Variants in COLEC12 observed in about 807,000 individuals in gnomAD.
COLEC12 encodes the protein collectin-12.
In COLEC12, 33 loss-of-function variants were observed where a neutral mutation model predicts 71.1. The ratio of observed to expected loss-of-function variants is 0.46; its 90% confidence interval spans 0.35 to 0.62. The LOEUF (loss-of-function observed/expected upper bound fraction) is 0.62, where lower values mean the gene tolerates loss of function less well. Ranked by LOEUF, COLEC12 falls within the 20% of genes least tolerant of loss-of-function variation. The pLI is 0.00. For synonymous variants in COLEC12, 350 were observed against 353.0 expected (o/e 0.99, Z 0.10); for missense variants, 765 against 916.1 (o/e 0.84, Z 2.13).
At chr18:397,938 A>T (rs1043722939) in intron 2 of COLEC12, among the ~76,000 whole-genome samples, 1 of 152,206 alleles carries the variant, frequency 6.6e-6, no homozygotes, top group Non-Finnish European at 1.5e-5. Flanking sequence ...TATCTACACC[A>T]TTTCTAGTTT....
chr18:402,038 A>T (rs1313911748), intron 2 of COLEC12, among the ~76,000 whole-genome samples: 1 of 152,138 alleles, frequency 6.6e-6, no homozygotes, highest in African/African-American at 2.4e-5. Context: ...ATTCTATTCT[A>T]CTTAGCATTG....
intron 3 of COLEC12, among the ~76,000 whole-genome samples, chr18:351,016 T>G (rs2143485962): frequency 6.6e-6 from 1 of 152,068 alleles, no homozygotes; most frequent in Admixed American, 6.5e-5. Flanking sequence ...ATATCAATTA[T>G]GAGCCAACGG....
chr18:438,675 G>A (rs1226700752), intron 2 of COLEC12, among the ~76,000 whole-genome samples: 1 of 151,974 alleles, frequency 6.6e-6, no homozygotes, highest in Non-Finnish European at 1.5e-5. Flanking sequence ...GCCAGGCATG[G>A]TGGCACATGC....
intron 6 of COLEC12, chr18:333,361 T>A (rs1914028668): frequency 4.4e-6 from 2 of 451,980 alleles, no homozygotes; most frequent in South Asian, 4.2e-5. Flanking sequence ...CTGGAAAAGA[T>A]CTTTGACTGG....
intron 2 of COLEC12, among the ~76,000 whole-genome samples, chr18:358,038 C>A (rs1353325372): frequency 6.6e-6 from 1 of 152,338 alleles, no homozygotes; most frequent in East Asian, 1.9e-4. Context: ...TGCGAGGGAT[C>A]TAGGTTGCAT....
At chr18:430,289 A>T (rs1209653689) in intron 2 of COLEC12, among the ~76,000 whole-genome samples, 2 of 151,930 alleles carry the variant, frequency 1.3e-5, no homozygotes, top group African/African-American at 4.8e-5. Context: ...AGCTGAGATC[A>T]TGCCACTGTA....
chr18:411,809 C>T (rs1040855186), intron 2 of COLEC12, among the ~76,000 whole-genome samples: 13 of 152,160 alleles, frequency 8.5e-5, no homozygotes, highest in Middle Eastern at 6.8e-3. Flanking sequence ...AAAGTGAAAT[C>T]CTGTCTCAAA....
At chr18:499,155 T>C (rs1917769889) in intron 1 of COLEC12, among the ~76,000 whole-genome samples, 1 of 152,162 alleles carries the variant, frequency 6.6e-6, no homozygotes, top group Admixed American at 6.5e-5. Context: ...ATGTGTGTAT[T>C]TCCTAGAATG....
chr18:321,866 T>C (rs1479169801), intron 8 of COLEC12, 59 bp from the exon 9 acceptor site: 2 of 1,519,460 alleles, frequency 1.3e-6, no homozygotes, highest in East Asian at 2.3e-5. Flanking sequence ...TTTTCTTTAC[T>C]CAAGAGCAGC....
At chr18:432,731 T>TTATA (rs5822565) in intron 2 of COLEC12, among the ~76,000 whole-genome samples, 137,684 of 151,888 alleles carry the variant, frequency 0.91, 62,873 homozygotes, top group East Asian at 1. Flanking sequence ...ACATCTGATA[T>TTATA]ACTGTCTATC....
intron 2 of COLEC12, among the ~76,000 whole-genome samples, chr18:428,080 C>G (rs971797878): frequency 6.6e-6 from 1 of 151,742 alleles, no homozygotes; most frequent in African/African-American, 2.4e-5. Flanking sequence ...GCCTGGCCAA[C>G]ATGGTGAAAC....
intron 2 of COLEC12, among the ~76,000 whole-genome samples, chr18:393,231 T>C (rs1915499888): frequency 6.6e-6 from 1 of 152,208 alleles, no homozygotes; most frequent in Non-Finnish European, 1.5e-5. Context: ...TGCGGGGATA[T>C]TGTTGAAGAT....
chr18:442,000 TCTACACACACAC>T lies in COLEC12; in HGVS notation c.58+38695_58+38706del, dbSNP rs1362995508. 2.5e-3 allele frequency among the ~76,000 whole-genome samples: 291 copies of T among 116,776 alleles called. 1 individual carries two copies. Among genetic ancestry groups the T allele is most frequent in the African/African-American group, 6.6e-3 (206 of 30,986 alleles). The allele number at this position is 116,776 out of a possible 152,430, so 76.6% of individuals were successfully genotyped here. A position where few individuals can be genotyped will look rare whatever the true frequency, so the allele number is the denominator to read the frequency against. On this transcript the variant is annotated intron_variant, in intron 2 of 9. Coordinates refer to ENST00000400256, the MANE Select transcript of COLEC12 (RefSeq NM_130386.3). Reference sequence around the variant, plus strand: ...GGGTGACAGAGTGAGACTCTCTCTCTCTACACACACACACACACACACACACACACACACACA... The same window carrying T: ...GGGTGACAGAGTGAGACTCTCTCTCTACACACACACACACACACACACACA...
chr18:443,266 C>A (rs1239660801), intron 2 of COLEC12, among the ~76,000 whole-genome samples: 1 of 152,166 alleles, frequency 6.6e-6, no homozygotes, highest in Non-Finnish European at 1.5e-5. Flanking sequence ...ATTTAGCTGA[C>A]TTTTGGTATT....
At position 399,915 on chromosome 18, in the gene COLEC12, C is replaced by T. The variant is rs1191162451; in HGVS notation, c.59-42393G>A. Reference sequence around the variant, plus strand: ...AACAGCCCCCAGTTTTTGGCTTGATCCTCAGACAACGCTTGTTAAAGGGTG... The same window carrying T: ...AACAGCCCCCAGTTTTTGGCTTGATTCTCAGACAACGCTTGTTAAAGGGTG... On this transcript the variant is annotated intron_variant, in intron 2 of 9. Transcript: ENST00000400256. This position sits in a 1 kb window ranked among gnomAD's most constrained non-coding sequence, Gnocchi z 4.0. 1.3e-5 allele frequency among the ~76,000 whole-genome samples: 2 copies of T among 152,128 alleles called. No homozygotes were observed. Among genetic ancestry groups the T allele is most frequent in the Non-Finnish European group, 2.9e-5 (2 of 68,018 alleles).
At chr18:400,689 G>A (rs1210990826) in intron 2 of COLEC12, among the ~76,000 whole-genome samples, 1 of 152,192 alleles carries the variant, frequency 6.6e-6, no homozygotes, top group African/African-American at 2.4e-5. Flanking sequence ...TGTGATGGAT[G>A]TTTATGACTG....
chr18:436,548 GT>G, intron 2 of COLEC12, among the ~76,000 whole-genome samples: 1 of 149,682 alleles, frequency 6.7e-6, no homozygotes, highest in Non-Finnish European at 1.5e-5. Context: ...GGAAACAGGG[GT>G]GGCTTTCTGG....
At chr18:383,186 C>T (rs1915271829) in intron 2 of COLEC12, among the ~76,000 whole-genome samples, 1 of 152,118 alleles carries the variant, frequency 6.6e-6, no homozygotes. Context: ...GGGCCTTTAT[C>T]AGAATTAAAG....
chr18:425,853 C>T (rs1305096969), intron 2 of COLEC12, among the ~76,000 whole-genome samples: 1 of 152,178 alleles, frequency 6.6e-6, no homozygotes, highest in Non-Finnish European at 1.5e-5. Context: ...ATCTCTTGTT[C>T]CACAGCCTCC....
Sources: allele counts gnomAD v4.1 joint callset (sites outside exome capture counted in the v4.1 genomes callset), GRCh38; gene constraint gnomAD v4.1.1; non-coding constraint Gnocchi (gnomAD v3.1); transcripts MANE v1.5; gene names NCBI Gene and HGNC (gene_info 2026-07-23, HGNC 2026-07-21).